COMMD1: variants seen among roughly 807,000 people sequenced by gnomAD.
COMMD1 encodes the protein COMM domain-containing protein 1.
In COMMD1, 10 loss-of-function variants were observed where a neutral mutation model predicts 17.2. The ratio of observed to expected loss-of-function variants is 0.58; its 90% CI spans 0.36 to 0.99. The LOEUF is 0.99. Ranked by LOEUF, COMMD1 falls within the 50% of genes least tolerant of loss-of-function variation. The pLI, the probability that COMMD1 is intolerant of heterozygous loss-of-function variation, is 0.01. For synonymous variants in COMMD1, 97 were observed against 91.6 expected, an observed-to-expected ratio of 1.06 and a Z score of -0.34; for missense variants, 270 against 231.8, an observed-to-expected ratio of 1.17 and a Z score of -1.07.
At chr2:62,046,437 A>G (rs939747563) in intron 2 of COMMD1, among the ~76,000 whole-genome samples, 1 of 152,246 alleles carries the variant, frequency 6.6e-6, no homozygotes, top group Non-Finnish European at 1.5e-5. Context: ...AAAAGAGTTC[A>G]TGAAATCATG....
At chr2:62,110,542 C>T (rs572484311) in intron 2 of COMMD1, among the ~76,000 whole-genome samples, 5 of 152,150 alleles carry the variant, frequency 3.3e-5, no homozygotes, top group African/African-American at 9.7e-5. Context: ...TCTGACATCC[C>T]GTTTCTCCTT....
chr2:62,055,530 G>T, intron 2 of COMMD1: 1 of 452,264 alleles, frequency 2.2e-6, no homozygotes, highest in South Asian at 1.6e-5. Context: ...CTTCAAAACT[G>T]CTTTGCCACA....
intron 2 of COMMD1, among the ~76,000 whole-genome samples, chr2:62,133,939 G>A (rs1324238995): frequency 6.6e-6 from 1 of 151,934 alleles, no homozygotes; most frequent in East Asian, 1.9e-4. Flanking sequence ...CTACAGGTGC[G>A]CACCACCATG....
chr2:61,991,461 A>G (rs971142871), intron 1 of COMMD1, among the ~76,000 whole-genome samples: 2 of 152,220 alleles, frequency 1.3e-5, no homozygotes, highest in East Asian at 1.9e-4. Context: ...GCAGAGATAC[A>G]TAGACCCTGC....
intron 1 of COMMD1, among the ~76,000 whole-genome samples, chr2:61,924,929 G>A (rs1380800077): frequency 1.3e-5 from 2 of 152,182 alleles, no homozygotes; most frequent in Admixed American, 6.6e-5. Context: ...TGTATCAGGC[G>A]TCCCTGAAGC....
intron 1 of COMMD1, among the ~76,000 whole-genome samples, chr2:61,913,192 C>T (rs1350683395): frequency 6.6e-6 from 1 of 150,708 alleles, no homozygotes; most frequent in Non-Finnish European, 1.5e-5. Context: ...CATAATAAAA[C>T]CCCATCTCTA....
At chr2:62,126,305 T>C (rs1179660040) in intron 2 of COMMD1, among the ~76,000 whole-genome samples, 1 of 152,214 alleles carries the variant, frequency 6.6e-6, no homozygotes, top group Admixed American at 6.5e-5. Context: ...GATTGCTGGG[T>C]CAAATGGTAT....
intron 1 of COMMD1, among the ~76,000 whole-genome samples, chr2:61,913,886 A>C (rs1558519524): frequency 6.0e-5 from 9 of 149,760 alleles, no homozygotes. Context: ...AATATTTGGA[A>C]CCCCCCTGGG....
At chr2:62,056,807 T>C (rs1171357367) in intron 2 of COMMD1, among the ~76,000 whole-genome samples, 1 of 152,208 alleles carries the variant, frequency 6.6e-6, no homozygotes, top group African/African-American at 2.4e-5. Context: ...GAATCGACTT[T>C]GTCCATGCTA....
intron 1 of COMMD1, among the ~76,000 whole-genome samples, chr2:61,926,684 T>C (rs1463921919): frequency 6.6e-6 from 1 of 152,194 alleles, no homozygotes; most frequent in East Asian, 1.9e-4. Context: ...AAAGTTGGCT[T>C]TTTCCTTTAC....
intron 2 of COMMD1, among the ~76,000 whole-genome samples, chr2:62,114,315 A>G (rs1672530419): frequency 6.6e-6 from 1 of 152,094 alleles, no homozygotes; most frequent in East Asian, 1.9e-4. Flanking sequence ...TTTTATTGGT[A>G]TTTTCTCAGA....
At chr2:61,960,382 A>G (rs1161046750) in intron 1 of COMMD1, among the ~76,000 whole-genome samples, 1 of 152,182 alleles carries the variant, frequency 6.6e-6, no homozygotes, top group Non-Finnish European at 1.5e-5. Context: ...GAGTTTCTGC[A>G]CTAACCTTCG....
At chr2:61,982,556 G>A (rs1361320664) in intron 1 of COMMD1, among the ~76,000 whole-genome samples, 1 of 152,172 alleles carries the variant, frequency 6.6e-6, no homozygotes, top group Non-Finnish European at 1.5e-5. Context: ...TACTTGTGGT[G>A]TTCCAGATAT....
At chr2:62,051,503 T>C (rs867412430) in intron 2 of COMMD1, among the ~76,000 whole-genome samples, 1 of 152,206 alleles carries the variant, frequency 6.6e-6, no homozygotes, top group Non-Finnish European at 1.5e-5. Context: ...CAAACTTTCT[T>C]CTCCTCATCT....
chr2:61,903,486 TTAAAG>T (rs1669701833), upstream of COMMD1, among the ~76,000 whole-genome samples: 1 of 151,066 alleles, frequency 6.6e-6, no homozygotes, highest in Non-Finnish European at 1.5e-5. Context: ...TAAACATTAA[TTAAAG>T]TAGTCTAGAT....
intron 2 of COMMD1, among the ~76,000 whole-genome samples, chr2:62,103,161 G>A (rs1008629532): frequency 2.0e-5 from 3 of 151,930 alleles, no homozygotes; most frequent in South Asian, 2.1e-4. Context: ...TGTATTTTTA[G>A]TAGAGACGGA....
chr2:62,018,936 G>T (rs889720808), intron 2 of COMMD1, among the ~76,000 whole-genome samples: 1 of 152,086 alleles, frequency 6.6e-6, no homozygotes, highest in Non-Finnish European at 1.5e-5. Context: ...CTTGAATACT[G>T]CATCCTCCAG....
At chr2:62,025,701 T>C (rs1669736058) in intron 2 of COMMD1, among the ~76,000 whole-genome samples, 1 of 152,138 alleles carries the variant, frequency 6.6e-6, no homozygotes, top group Non-Finnish European at 1.5e-5. Flanking sequence ...AATTATTTTG[T>C]TTTTGGAGTC....
chr2:62,024,801 C>G (rs1669708768), intron 2 of COMMD1, among the ~76,000 whole-genome samples: 1 of 152,112 alleles, frequency 6.6e-6, no homozygotes. Context: ...TTTCTCTCCA[C>G]TCAGGTTTAA....
Sources: allele counts gnomAD v4.1 joint callset (sites outside exome capture counted in the v4.1 genomes callset), GRCh38; gene constraint gnomAD v4.1.1; transcripts MANE v1.5; gene names NCBI Gene and HGNC (gene_info 2026-07-23, HGNC 2026-07-21).